The following TFAP2A variants were observed in gnomAD, a reference collection of about 807,000 sequenced individuals.
TFAP2A encodes transcription factor AP-2-alpha.
A neutral mutation model predicts 41.5 loss-of-function variants in TFAP2A; 7 were observed. The observed-to-expected ratio is 0.17, with a 90% CI of 0.10 to 0.32. TFAP2A has a LOEUF of 0.32. Ranked by LOEUF, TFAP2A falls within the 10% of genes least tolerant of loss-of-function variation. The pLI, the probability that TFAP2A is intolerant of heterozygous loss-of-function variation, is 1.00. For missense variants in TFAP2A, 416 were observed against 563.3 expected (o/e 0.74, Z 2.65); for synonymous variants, 247 against 242.8 (o/e 1.02, Z -0.16).
At chr6:10,399,949 T>C (rs949543265) in intron 6 of TFAP2A, among the ~76,000 whole-genome samples, 1 of 151,932 alleles carries the variant, frequency 6.6e-6, no homozygotes, top group Non-Finnish European at 1.5e-5. Flanking sequence ...TGTGTGTCAC[T>C]TTCGAGAAGG....
upstream of TFAP2A, chr6:10,419,414 G>A (rs1475605613): frequency 2.5e-6 from 4 of 1,577,140 alleles, no homozygotes; most frequent in African/African-American, 4.1e-5. Flanking sequence ...CAAACCCCCC[G>A]TACCTGCCAG....
intron 5 of TFAP2A, among the ~76,000 whole-genome samples, chr6:10,401,199 G>A (rs778445858): frequency 1.3e-5 from 2 of 152,150 alleles, no homozygotes; most frequent in South Asian, 2.1e-4. Flanking sequence ...AGCCCTCTCC[G>A]CAGAGCTTGT....
At chr6:10,414,278 A>G (rs1299160926) in intron 1 of TFAP2A, among the ~76,000 whole-genome samples, 1 of 152,178 alleles carries the variant, frequency 6.6e-6, no homozygotes, top group African/African-American at 2.4e-5. Flanking sequence ...CCTGTAGCTC[A>G]GAGGGAGAAG....
chr6:10,411,695 G>A, intron 1 of TFAP2A: 1 of 1,591,956 alleles, frequency 6.3e-7, no homozygotes, highest in Non-Finnish European at 8.6e-7. Flanking sequence ...CACAAAAGGC[G>A]CCGAGAGCCC....
intron 1 of TFAP2A, chr6:10,412,087 G>C (rs945170334): frequency 2.0e-6 from 2 of 995,908 alleles, no homozygotes; most frequent in Admixed American, 5.6e-5. Flanking sequence ...CCTGGAAATC[G>C]AGCGTGAAGC....
intron 1 of TFAP2A, among the ~76,000 whole-genome samples, chr6:10,414,019 C>G (rs1758127557): frequency 6.6e-6 from 1 of 152,206 alleles, no homozygotes; most frequent in Admixed American, 6.5e-5. Context: ...ACAGGTCGCG[C>G]TAGGGTCTCC....
chr6:10,410,089 C>G lies in TFAP2A; in HGVS notation c.298G>C (p.Gly100Arg), dbSNP rs920462082. ...CCAGACTCCTGGCTCTGCCTCTGGC[C>G]GGGCCAGCCTGGGTGCTGCGGCTGC... ...QPQPQHPGWP[G>R]QRQSQESGLL... is the part of the protein sequence containing the mutation. The change falls in exon 2 of 7, where the codon GGC becomes CGC. Residue 100 changes from glycine to arginine, a missense_variant. Physicochemically the swap from Gly to Arg is moderately radical, Grantham distance 125. Transcript: ENST00000379613. 6.2e-7 allele frequency: 1 copy of G among 1,612,692 alleles called. No individual in the cohort carries two copies. Among genetic ancestry groups the G allele is most frequent in the African/African-American group, 1.3e-5 (1 of 74,882 alleles).
chr6:10,410,366 C>G, intron 1 of TFAP2A, 31 bp from the exon 2 acceptor site: 1 of 1,584,648 alleles, frequency 6.3e-7, no homozygotes, highest in South Asian at 1.1e-5. Context: ...AGGTAAAGAA[C>G]AAGGAATCAG....
chr6:10,414,484 T>C, intron 1 of TFAP2A: 1 of 278,836 alleles, frequency 3.6e-6, no homozygotes, highest in Admixed American at 4.8e-5. Flanking sequence ...AATGAATGAA[T>C]GAATGAATAG....
At chr6:10,410,682 G>T (rs2113206868) in intron 1 of TFAP2A, among the ~76,000 whole-genome samples, 1 of 152,304 alleles carries the variant, frequency 6.6e-6, no homozygotes, top group East Asian at 1.9e-4. Context: ...AACAGCAGAA[G>T]CGGCCTTTTC....
At chr6:10,409,750 C>G (rs1757868783) in intron 2 of TFAP2A, 151 bp downstream of exon 2, 1 of 946,932 alleles carries the variant, frequency 1.1e-6, no homozygotes, top group African/African-American at 1.6e-5. Context: ...TTCCTCAAAA[C>G]GTCCCTCACT....
chr6:10,414,567 C>A, intron 1 of TFAP2A: 1 of 423,812 alleles, frequency 2.4e-6, no homozygotes. Flanking sequence ...CTTTCTGTTC[C>A]TGGTGACTTG....
chr6:10,404,068 C>A (rs72836957), intron 4 of TFAP2A, among the ~76,000 whole-genome samples: 2,385 of 152,328 alleles, frequency 0.016, 26 homozygotes, highest in Middle Eastern at 0.051. Flanking sequence ...GGAGACCCTA[C>A]TCAGAGAGGT....
In TFAP2A at chr6:10,411,761, G is replaced by A; in HGVS notation, c.52-1426C>T. On this transcript the variant is annotated intron_variant, in intron 1 of 6. Transcript: ENST00000379613. ...GACGCTCCCCGGAGCGCGGGAGCCC[G>A]GCTCGGATCCATCCGAACTTGAACC... 4.7e-6 allele frequency: 7 copies of A among 1,480,176 alleles called. No individual in the cohort carries two copies. The Admixed American group carries it at 1.0e-4, about 22-fold the overall frequency. The allele number at this position is 1,480,176 out of a possible 1,614,324, so 91.7% of individuals were successfully genotyped here. A position where few individuals can be genotyped will look rare whatever the true frequency, so the allele number is the denominator to read the frequency against.
chr6:10,411,494 C>T, intron 1 of TFAP2A: 1 of 1,610,084 alleles, frequency 6.2e-7, no homozygotes. Flanking sequence ...CCCGAGGTTT[C>T]GGGCAGCTCC....
intron 5 of TFAP2A, chr6:10,402,291 A>C: frequency 1.5e-6 from 1 of 659,244 alleles, no homozygotes; most frequent in South Asian, 1.5e-5. Flanking sequence ...GGTAGAGGAA[A>C]AGAAGGAAGA....
At position 10,398,228 on chromosome 6, in the gene TFAP2A, C is replaced by T; in HGVS notation, c.*189G>A. The T allele has an allele frequency of 6.7e-7, 1 of 1,486,108 alleles. No homozygotes were observed. The highest frequency in any genetic ancestry group is 8.9e-7 in the Non-Finnish European group (1 of 1,122,252). 92.1% of individuals were successfully genotyped at this position (1,486,108 alleles called of 1,614,324 possible). On this transcript the variant is annotated 3_prime_UTR_variant, in exon 7 of 7. Transcript: ENST00000379613. This position sits in a 1 kb window ranked among gnomAD's most constrained non-coding sequence, Gnocchi z 5.3. Reference sequence around the variant, plus strand: ...CGGGTGCAGAGTCGGAGAGGCTGCCCCACTGACAGTCGAGAGGGCAGTCCC... The same window carrying T: ...CGGGTGCAGAGTCGGAGAGGCTGCCTCACTGACAGTCGAGAGGGCAGTCCC...
intron 6 of TFAP2A, 121 bp downstream of exon 6, chr6:10,400,327 A>T: frequency 7.9e-7 from 1 of 1,271,374 alleles, no homozygotes. Context: ...ATGGTGTTAT[A>T]ACTGCAACAA....
intron 2 of TFAP2A, chr6:10,407,124 TCAAG>T (rs937623654): frequency 2.1e-6 from 1 of 480,682 alleles, no homozygotes; most frequent in African/African-American, 2.0e-5. Flanking sequence ...GGAAATTAAA[TCAAG>T]TGTTGGAGCA....
Sources: gnomAD v4.1 joint callset for allele counts (sites outside exome capture counted in the v4.1 genomes callset) on GRCh38, gnomAD v4.1.1 for gene constraint, Gnocchi (gnomAD v3.1) non-coding constraint, MANE v1.5 for transcripts, NCBI Gene and HGNC (gene_info 2026-07-23, HGNC 2026-07-21) for gene names.